The following PALLD variants were observed in gnomAD, a reference collection of about 807,000 sequenced individuals.
The protein encoded by PALLD is palladin, cytoskeletal associated protein.
A neutral mutation model predicts 123.5 loss-of-function variants in PALLD; 61 were observed. That is an observed-to-expected ratio of 0.49 (90% CI 0.40 to 0.61). PALLD has a LOEUF of 0.61. Ranked by LOEUF, PALLD falls within the 20% of genes least tolerant of loss-of-function variation. The probability of loss-of-function intolerance (pLI) is 0.00; values close to 1 mark genes in which losing one functional copy is unlikely to be tolerated. For missense variants in PALLD, 1,273 were observed against 1,377.0 expected, an observed-to-expected ratio of 0.92 and a Z score of 1.20; for synonymous variants, 465 against 496.4, an observed-to-expected ratio of 0.94 and a Z score of 0.84.
chr4:168,764,383 A>T (rs1733364544), intron 10 of PALLD, among the ~76,000 whole-genome samples: 1 of 152,056 alleles, frequency 6.6e-6, no homozygotes, highest in Admixed American at 6.6e-5. Context: ...TGGAAAACTC[A>T]CCCTATGTTG....
chr4:168,893,556 C>T (rs1003389279), intron 11 of PALLD, among the ~76,000 whole-genome samples: 1 of 152,188 alleles, frequency 6.6e-6, no homozygotes, highest in African/African-American at 2.4e-5. Flanking sequence ...GGAAGTTTAT[C>T]TGAAATAATT....
intron 10 of PALLD, among the ~76,000 whole-genome samples, chr4:168,837,116 T>G (rs1328704568): frequency 2.0e-5 from 3 of 152,126 alleles, no homozygotes; most frequent in Non-Finnish European, 4.4e-5. Context: ...CACCCTGGAC[T>G]GCAGAGCGAT....
intron 10 of PALLD, among the ~76,000 whole-genome samples, chr4:168,853,623 AG>A (rs1278302842): frequency 6.6e-6 from 1 of 152,124 alleles, no homozygotes; most frequent in African/African-American, 2.4e-5. Flanking sequence ...GTGTGCAGTC[AG>A]GAGGAATCGC....
chr4:168,891,185 C>T, intron 11 of PALLD, 128 bp downstream of exon 11: 1 of 1,004,044 alleles, frequency 1.0e-6, no homozygotes, highest in Non-Finnish European at 1.5e-6. Context: ...ATTTTTGAGA[C>T]AGGGTCACAC....
At chr4:168,680,924 A>G (rs1004153155) in intron 3 of PALLD, among the ~76,000 whole-genome samples, 12 of 152,230 alleles carry the variant, frequency 7.9e-5, no homozygotes, top group Non-Finnish European at 1.8e-4. Flanking sequence ...AGTTTTACCC[A>G]GGAGCCAGAA....
intron 2 of PALLD, among the ~76,000 whole-genome samples, chr4:168,593,925 G>A (rs561926468): frequency 6.6e-6 from 1 of 152,278 alleles, no homozygotes; most frequent in Non-Finnish European, 1.5e-5. Flanking sequence ...TTTCCAAAGT[G>A]CTCTGCTATG....
At chr4:168,640,262 G>C (rs2149866399) in intron 2 of PALLD, among the ~76,000 whole-genome samples, 1 of 152,268 alleles carries the variant, frequency 6.6e-6, no homozygotes, top group African/African-American at 2.4e-5. Context: ...TTTTCCGATT[G>C]AGCTTTTTTC....
intron 2 of PALLD, among the ~76,000 whole-genome samples, chr4:168,539,585 A>C (rs1380299001): frequency 1.8e-5 from 1 of 54,548 alleles, no homozygotes; most frequent in African/African-American, 4.2e-5. Flanking sequence ...ATAAATAAAT[A>C]AATAAATAAA....
chr4:168,640,158 C>A (rs1421279728), intron 2 of PALLD, among the ~76,000 whole-genome samples: 1 of 152,186 alleles, frequency 6.6e-6, no homozygotes, highest in African/African-American at 2.4e-5. Context: ...CCGGGCCTCA[C>A]TGGCTCAAGT....
At chr4:168,670,775 C>CAAAAAAAAAAAAAAAAAAAAAA (rs112589264) in intron 3 of PALLD, among the ~76,000 whole-genome samples, 1 of 100,214 alleles carries the variant, frequency 1.0e-5, no homozygotes, top group African/African-American at 4.0e-5. Flanking sequence ...CAAAAAAAAA[C>CAAAAAAAAAAAAAAAAAAAAAA]AAAAAAAAAA....
At chr4:168,522,040 G>A (rs912317480) in intron 2 of PALLD, among the ~76,000 whole-genome samples, 17 of 152,234 alleles carry the variant, frequency 1.1e-4, no homozygotes, top group African/African-American at 2.6e-4. Flanking sequence ...AAGGTCAGCC[G>A]TACTGTGGAT....
chr4:168,846,194 A>C (rs751212793), intron 10 of PALLD, among the ~76,000 whole-genome samples: 3 of 152,238 alleles, frequency 2.0e-5, no homozygotes, highest in African/African-American at 4.8e-5. Flanking sequence ...TACATAAAAG[A>C]TCTAGAACAG....
chr4:168,586,248 C>G (rs187096558), intron 2 of PALLD, among the ~76,000 whole-genome samples: 1 of 151,860 alleles, frequency 6.6e-6, no homozygotes, highest in South Asian at 2.1e-4. Context: ...AGACTCTTCA[C>G]CCCTTGATTC....
chr4:168,842,785 C>G lies in PALLD; in HGVS notation c.1965-48137C>G, dbSNP rs1031916735. Among the ~76,000 whole-genome samples the G allele has an allele frequency of 3.9e-5, 6 of 152,166 alleles. No homozygotes were observed. In the East Asian group the frequency reaches 1.2e-3, roughly 29 times the overall value. ...CTTCTCTCCATGCCCTCATGGAGTACTTGGTAAAAACATTTAAGTAGATGA... is the reference window on the plus strand; with the variant it reads ...CTTCTCTCCATGCCCTCATGGAGTAGTTGGTAAAAACATTTAAGTAGATGA... On this transcript the variant is annotated intron_variant, in intron 10 of 21. Coordinates refer to ENST00000505667, the MANE Select transcript of PALLD (RefSeq NM_001166108.2).
chr4:168,551,812 C>T lies in PALLD; in HGVS notation c.908+39400C>T, dbSNP rs541075662. Reference sequence around the variant, plus strand: ...CCACTAAATGAAGTAAAATTAAACACTCGTGTTGGCTTATGATCAGTGCTG... The same window carrying T: ...CCACTAAATGAAGTAAAATTAAACATTCGTGTTGGCTTATGATCAGTGCTG... On this transcript the variant is annotated intron_variant, in intron 2 of 21. Coordinates refer to ENST00000505667, the MANE Select transcript of PALLD (RefSeq NM_001166108.2). Among the ~76,000 whole-genome samples the T allele has an allele frequency of 5.8e-4, 88 of 152,176 alleles. No homozygotes were observed. The South Asian group carries it at 0.018, about 31-fold the overall frequency.
intron 10 of PALLD, among the ~76,000 whole-genome samples, chr4:168,769,605 G>C (rs548291332): frequency 6.6e-6 from 1 of 152,172 alleles, no homozygotes; most frequent in African/African-American, 2.4e-5. Context: ...GCTCCAGACT[G>C]TCTGAGGAGC....
At chr4:168,513,561 A>G (rs145668123) in intron 2 of PALLD, among the ~76,000 whole-genome samples, 7 of 152,310 alleles carry the variant, frequency 4.6e-5, no homozygotes, top group African/African-American at 7.2e-5. Context: ...GGGAAGTATA[A>G]TGATACCTAC....
At position 168,903,925 on chromosome 4, in the gene PALLD, C is replaced by T; in HGVS notation, c.2622+19C>T. 6.2e-7 allele frequency: 1 copy of T among 1,610,830 alleles called. No individual in the cohort carries two copies. Among genetic ancestry groups the T allele is most frequent in the Non-Finnish European group, 8.5e-7 (1 of 1,177,028 alleles). On this transcript the variant is annotated intron_variant, in intron 15 of 21. Transcript: ENST00000505667. Reference sequence around the variant, plus strand: ...CCCTCAGGTAAAGAAGGGTATAGGTCTGGGCTCAGTTCTGTGTCTAGTGCT... The same window carrying T: ...CCCTCAGGTAAAGAAGGGTATAGGTTTGGGCTCAGTTCTGTGTCTAGTGCT...
At chr4:168,702,621 A>G (rs2150165510) in intron 8 of PALLD, among the ~76,000 whole-genome samples, 1 of 152,298 alleles carries the variant, frequency 6.6e-6, no homozygotes, top group South Asian at 2.1e-4. Context: ...TGGCTCTAGC[A>G]TTAATTAGCC....
Sources: allele counts gnomAD v4.1 joint callset (sites outside exome capture counted in the v4.1 genomes callset), GRCh38; gene constraint gnomAD v4.1.1; transcripts MANE v1.5; gene names NCBI Gene and HGNC (gene_info 2026-07-23, HGNC 2026-07-21).